Variants in TNC observed in about 807,000 individuals in gnomAD.
TNC encodes tenascin.
Under a neutral mutation model 202.4 loss-of-function variants are expected in TNC, and 109 were observed. The observed-to-expected ratio is 0.54, with a 90% CI of 0.46 to 0.63. The LOEUF is 0.63. Ranked by LOEUF, TNC falls within the 30% of genes least tolerant of loss-of-function variation. The pLI is 0.00. For synonymous variants in TNC, 1,007 were observed against 1,089.7 expected, an observed-to-expected ratio of 0.92 and a Z score of 1.50; for missense variants, 2,756 against 2,833.3, an observed-to-expected ratio of 0.97 and a Z score of 0.62.
intron 17 of TNC, among the ~76,000 whole-genome samples, chr9:115,043,048 G>C (rs1830889135): frequency 6.6e-6 from 1 of 152,118 alleles, no homozygotes; most frequent in South Asian, 2.1e-4. Context: ...CCATGCCCAG[G>C]GGGAGTTTCT....
intron 27 of TNC, among the ~76,000 whole-genome samples, chr9:115,022,776 C>T (rs79929258): frequency 0.031 from 4,715 of 152,194 alleles, 169 homozygotes; most frequent in African/African-American, 0.08. Flanking sequence ...ATCCTAATTC[C>T]TGCACAGGGT....
At chr9:115,085,515 C>T (rs1834640701) in intron 3 of TNC, among the ~76,000 whole-genome samples, 1 of 152,032 alleles carries the variant, frequency 6.6e-6, no homozygotes, top group Admixed American at 6.5e-5. Context: ...CTTTATCTAC[C>T]TCATCTTGAA....
intron 2 of TNC, among the ~76,000 whole-genome samples, chr9:115,090,112 G>A (rs1260743474): frequency 2.0e-5 from 3 of 152,134 alleles, no homozygotes; most frequent in Non-Finnish European, 2.9e-5. Flanking sequence ...CCTTATTGGA[G>A]GACCTTCAGG....
chr9:115,035,114 AG>A, intron 22 of TNC, 89 bp downstream of exon 22: 1 of 1,428,938 alleles, frequency 7.0e-7, no homozygotes, highest in Non-Finnish European at 9.3e-7. Flanking sequence ...GCACTGGGGT[AG>A]AAAAACAGCA....
At chr9:115,021,933 C>T (rs902612182) in intron 27 of TNC, among the ~76,000 whole-genome samples, 6 of 152,078 alleles carry the variant, frequency 3.9e-5, no homozygotes, top group South Asian at 2.1e-4. Context: ...GAGCTGGGCA[C>T]GTCGTAGGTG....
intron 20 of TNC, among the ~76,000 whole-genome samples, chr9:115,036,912 G>C (rs1476961637): frequency 6.6e-6 from 1 of 152,088 alleles, no homozygotes. Flanking sequence ...AGGCAAGCGG[G>C]GACAAGTTGG....
intron 10 of TNC, 53 bp from the exon 11 acceptor site, chr9:115,064,972 T>C (rs1832835646): frequency 3.2e-6 from 5 of 1,573,976 alleles, no homozygotes; most frequent in Non-Finnish European, 3.4e-6. Flanking sequence ...AAAGTTTTGC[T>C]TCTGAGAACC....
intron 1 of TNC, among the ~76,000 whole-genome samples, chr9:115,095,480 G>A (rs1437296585): frequency 1.4e-4 from 6 of 43,656 alleles, no homozygotes; most frequent in South Asian, 8.9e-4. Context: ...GTATATATAT[G>A]TATATATATA....
At chr9:115,031,797 G>A in intron 22 of TNC, 112 bp from the exon 23 acceptor site, 1 of 1,362,154 alleles carries the variant, frequency 7.3e-7, no homozygotes, top group Non-Finnish European at 1.0e-6. Context: ...CTTACTTACT[G>A]GACAAGAATT....
chr9:115,025,402 A>G (rs1042873548), intron 26 of TNC, among the ~76,000 whole-genome samples: 1 of 152,124 alleles, frequency 6.6e-6, no homozygotes, highest in African/African-American at 2.4e-5. Flanking sequence ...GCAACCTTTT[A>G]TCTGGAGACT....
intron 24 of TNC, among the ~76,000 whole-genome samples, chr9:115,029,694 G>T (rs750690219): frequency 6.6e-6 from 1 of 152,190 alleles, no homozygotes; most frequent in Non-Finnish European, 1.5e-5. Context: ...GTCAATGTAG[G>T]TTCATTGATT....
chr9:115,035,944 G>A (rs1421121443), intron 21 of TNC, 154 bp downstream of exon 21: 1 of 862,594 alleles, frequency 1.2e-6, no homozygotes, highest in African/African-American at 1.7e-5. Flanking sequence ...GGCCTTGACT[G>A]AGTGGGCACT....
chr9:115,041,311 GGGGA>G (rs1830732878), intron 18 of TNC, among the ~76,000 whole-genome samples: 3 of 146,430 alleles, frequency 2.0e-5, no homozygotes, highest in Admixed American at 6.8e-5. Context: ...AGGAGGGGCG[GGGGA>G]AAACATGAAG....
intron 13 of TNC, among the ~76,000 whole-genome samples, chr9:115,062,141 G>A (rs895861190): frequency 2.0e-5 from 3 of 152,182 alleles, no homozygotes; most frequent in African/African-American, 7.2e-5. Flanking sequence ...TCATGACTCT[G>A]TTGCTGTATG....
intron 1 of TNC, among the ~76,000 whole-genome samples, chr9:115,112,088 C>T (rs146741535): frequency 2.0e-5 from 3 of 152,254 alleles, no homozygotes; most frequent in African/African-American, 4.8e-5. Context: ...ATCCTTGGCT[C>T]GGTCCGTGTG....
intron 5 of TNC, 68 bp downstream of exon 5, chr9:115,082,624 C>T (rs1189756059): frequency 8.5e-7 from 1 of 1,183,366 alleles, no homozygotes. Context: ...ATACAGAAGT[C>T]TTCAGAACCC....
At chr9:115,058,967 C>T (rs999631107) in intron 14 of TNC, among the ~76,000 whole-genome samples, 2 of 152,176 alleles carry the variant, frequency 1.3e-5, no homozygotes, top group Non-Finnish European at 2.9e-5. Context: ...AAGGCCAACA[C>T]TCCAGAGAGA....
In TNC at chr9:115,057,433, A is replaced by C. The variant is rs1042275817; in HGVS notation, c.4307-8T>G. 2 of 1,602,558 alleles carry C rather than the reference A, an allele frequency of 1.2e-6. No homozygotes were observed. On this transcript the variant is annotated splice_polypyrimidine_tract_variant and splice_region_variant and intron_variant, in intron 14 of 27. Coordinates refer to ENST00000350763, the MANE Select transcript of TNC (RefSeq NM_002160.4). Reference sequence around the variant, plus strand: ...CAATTTCAGGTTCTTTGGCTGTAAAAGGAAGGGGTAGGGGAGAAGAAAAAA... The same window carrying C: ...CAATTTCAGGTTCTTTGGCTGTAAACGGAAGGGGTAGGGGAGAAGAAAAAA...
At chr9:115,110,582 T>C (rs1836963773) in intron 1 of TNC, among the ~76,000 whole-genome samples, 1 of 152,146 alleles carries the variant, frequency 6.6e-6, no homozygotes, top group Admixed American at 6.5e-5. Flanking sequence ...ACATTTTGTG[T>C]GTGGGGTTAG....
Sources: gnomAD v4.1 joint callset for allele counts (sites outside exome capture counted in the v4.1 genomes callset) on GRCh38, gnomAD v4.1.1 for gene constraint, MANE v1.5 for transcripts, NCBI Gene and HGNC (gene_info 2026-07-23, HGNC 2026-07-21) for gene names.